The following TAFA4 variants were observed in gnomAD, a reference collection of about 807,000 sequenced individuals.
The protein encoded by TAFA4 is TAFA chemokine like family member 4, also known as chemokine-like protein TAFA-4.
In TAFA4, 20 loss-of-function variants were observed where a neutral mutation model predicts 21.1. The ratio of observed to expected loss-of-function variants is 0.95; its 90% confidence interval spans 0.67 to 1.38. TAFA4 has a LOEUF of 1.38. Among genes scored for constraint, TAFA4 ranks in the 40% most tolerant of loss-of-function variants. The probability of loss-of-function intolerance (pLI) is 0.00; values close to 1 mark genes in which losing one functional copy is unlikely to be tolerated. For synonymous variants in TAFA4, 71 were observed against 67.4 expected, an observed-to-expected ratio of 1.05 and a Z score of -0.26; for missense variants, 211 against 180.9, an observed-to-expected ratio of 1.17 and a Z score of -0.95.
At chr3:68,749,764 C>T (rs1260124848) in intron 4 of TAFA4, among the ~76,000 whole-genome samples, 3 of 152,176 alleles carry the variant, frequency 2.0e-5, no homozygotes, top group Non-Finnish European at 4.4e-5. Context: ...ATGTTACACT[C>T]AAGTTACATG....
intron 3 of TAFA4, among the ~76,000 whole-genome samples, chr3:68,802,002 G>A (rs1258713874): frequency 1.3e-5 from 2 of 151,926 alleles, no homozygotes; most frequent in East Asian, 1.9e-4. Context: ...CCAGCCACTC[G>A]TATCTTCAGA....
At chr3:68,904,582 G>C (rs1205876083) in intron 1 of TAFA4, among the ~76,000 whole-genome samples, 1 of 152,208 alleles carries the variant, frequency 6.6e-6, no homozygotes, top group African/African-American at 2.4e-5. Flanking sequence ...CAATATGAAT[G>C]GGGTCTTAGG....
At chr3:68,832,144 A>G (rs1704412218) in intron 3 of TAFA4, among the ~76,000 whole-genome samples, 1 of 151,356 alleles carries the variant, frequency 6.6e-6, no homozygotes, top group Non-Finnish European at 1.5e-5. Flanking sequence ...TAGCTTGGAG[A>G]GCTTGTTATT....
At chr3:68,858,413 CTA>C (rs1705120162) in intron 3 of TAFA4, among the ~76,000 whole-genome samples, 1 of 152,000 alleles carries the variant, frequency 6.6e-6, no homozygotes, top group Non-Finnish European at 1.5e-5. Flanking sequence ...TAATGAATGT[CTA>C]TGTAAAGCAA....
chr3:68,781,204 T>A (rs769298055), intron 3 of TAFA4, among the ~76,000 whole-genome samples: 9 of 151,602 alleles, frequency 5.9e-5, no homozygotes, highest in Non-Finnish European at 1.2e-4. Context: ...AGGTCCTAAG[T>A]CAAAAACTTA....
intron 3 of TAFA4, among the ~76,000 whole-genome samples, chr3:68,850,782 G>C (rs1190652971): frequency 6.6e-6 from 1 of 151,678 alleles, no homozygotes; most frequent in Non-Finnish European, 1.5e-5. Context: ...CTGGGTATCA[G>C]ACCTTTGACA....
chr3:68,924,209 G>A (rs1303240835), intron 1 of TAFA4, among the ~76,000 whole-genome samples: 2 of 152,112 alleles, frequency 1.3e-5, no homozygotes, highest in East Asian at 3.8e-4. Context: ...AGCATGACGT[G>A]CAATAGCCAA....
chr3:68,749,895 C>G (rs1575594392), intron 4 of TAFA4, among the ~76,000 whole-genome samples: 1 of 152,218 alleles, frequency 6.6e-6, no homozygotes, highest in Non-Finnish European at 1.5e-5. Flanking sequence ...CTAATGGCTA[C>G]TAGCCACACT....
chr3:68,858,396 C>G (rs768607257), intron 3 of TAFA4, among the ~76,000 whole-genome samples: 22 of 142,400 alleles, frequency 1.5e-4, no homozygotes, highest in Admixed American at 7.4e-4. Flanking sequence ...CAGTGTACCT[C>G]CTATTTTAAT....
intron 3 of TAFA4, among the ~76,000 whole-genome samples, chr3:68,872,793 T>C (rs2089498813): frequency 6.6e-6 from 1 of 152,166 alleles, no homozygotes; most frequent in South Asian, 2.1e-4. Context: ...GTAGGGGATG[T>C]TGTAATACTC....
In TAFA4 at chr3:68,802,828, C is replaced by T. The variant is rs544351557; in HGVS notation, c.131-49810G>A. On this transcript the variant is annotated intron_variant, in intron 3 of 5. Coordinates refer to ENST00000295569, the MANE Select transcript of TAFA4 (RefSeq NM_182522.5). ...TGTAGAATTAATGCATATAGCAACCCTGTTTTTTAAAGGTTACGTGGTTAG... is the reference window on the plus strand; with the variant it reads ...TGTAGAATTAATGCATATAGCAACCTTGTTTTTTAAAGGTTACGTGGTTAG... Among the ~76,000 whole-genome samples the T allele has an allele frequency of 1.8e-4, 28 of 152,280 alleles. 1 individual carries two copies. Among genetic ancestry groups the T allele is most frequent in the African/African-American group, 5.5e-4 (23 of 41,558 alleles).
chr3:68,752,730 T>TA (rs1702579275), intron 4 of TAFA4, 133 bp downstream of exon 4: 2 of 1,006,764 alleles, frequency 2.0e-6, no homozygotes, highest in Non-Finnish European at 3.0e-6. Flanking sequence ...TGTATTTATG[T>TA]ACATTTTTGG....
At chr3:68,900,559 A>C (rs935884803) in intron 1 of TAFA4, among the ~76,000 whole-genome samples, 7 of 151,978 alleles carry the variant, frequency 4.6e-5, no homozygotes, top group Non-Finnish European at 2.9e-5. Context: ...TCACTAGCTA[A>C]AATCCCAAAT....
chr3:68,813,753 A>G (rs1463674857), intron 3 of TAFA4, among the ~76,000 whole-genome samples: 3 of 152,176 alleles, frequency 2.0e-5, no homozygotes, highest in Non-Finnish European at 4.4e-5. Context: ...AGGAACTGGT[A>G]CCATTCCTTC....
intron 3 of TAFA4, among the ~76,000 whole-genome samples, chr3:68,771,078 G>C (rs1702948253): frequency 6.6e-6 from 1 of 151,998 alleles, no homozygotes; most frequent in Non-Finnish European, 1.5e-5. Flanking sequence ...TGGGTGGCCT[G>C]TGTCCAGGGA....
At chr3:68,866,501 C>T (rs2089420046) in intron 3 of TAFA4, among the ~76,000 whole-genome samples, 1 of 151,822 alleles carries the variant, frequency 6.6e-6, no homozygotes, top group African/African-American at 2.4e-5. Flanking sequence ...ATTAACTCTT[C>T]CATACAAAGC....
chr3:68,885,263 G>C lies in TAFA4; in HGVS notation c.-75C>G. On this transcript the variant is annotated 5_prime_UTR_variant, in exon 2 of 6. Coordinates refer to ENST00000295569, the MANE Select transcript of TAFA4 (RefSeq NM_182522.5). ...GACTCCAAATTCCCATCTGTTGCTA[G>C]AACCAATCATTTCTGCCGTTCCAAA... 1 of 1,456,996 alleles carries C rather than the reference G, an allele frequency of 6.9e-7. No homozygotes were observed. Among genetic ancestry groups the C allele is most frequent in the Non-Finnish European group, 9.5e-7 (1 of 1,056,348 alleles). 90.3% of individuals were successfully genotyped at this position (1,456,996 alleles called of 1,614,324 possible). A position where few individuals can be genotyped will look rare whatever the true frequency, so the allele number is the denominator to read the frequency against.
rs889331877 is a variant in TAFA4 at position 68,795,995 on chromosome 3, A to T, written c.131-42977T>A. Among the ~76,000 whole-genome samples the T allele has an allele frequency of 2.3e-4, 35 of 152,058 alleles. 1 individual carries two copies. The highest frequency in any genetic ancestry group is 7.0e-4 in the African/African-American group (29 of 41,414). On this transcript the variant is annotated intron_variant, in intron 3 of 5. Transcript: ENST00000295569. ...GTTGGTGGTCTTGGAGAAGAGCTGG[A>T]AGAATTCTCTGGATTACCAAGCAGA...
chr3:68,829,993 C>A lies in TAFA4; in HGVS notation c.130+50737G>T, dbSNP rs1704344144. On this transcript the variant is annotated intron_variant, in intron 3 of 5. Transcript: ENST00000295569. ...TTTGCATAGAGGTGTTTATAGTATT[C>A]TCTGATGGTAGTTTGTGTTTCTGTG... Among the ~76,000 whole-genome samples, 3 of 152,302 alleles carry A rather than the reference C, an allele frequency of 2.0e-5. No individual in the cohort carries two copies. The South Asian group carries it at 6.2e-4, about 32-fold the overall frequency.
Sources: gnomAD v4.1 joint callset for allele counts (sites outside exome capture counted in the v4.1 genomes callset) on GRCh38, gnomAD v4.1.1 for gene constraint, MANE v1.5 for transcripts, NCBI Gene and HGNC (gene_info 2026-07-23, HGNC 2026-07-21) for gene names.